Variants in PMM2 observed in about 807,000 individuals in gnomAD.
The protein encoded by PMM2 is phosphomannomutase 2.
Under a neutral mutation model 33.2 loss-of-function variants are expected in PMM2, and 35 were observed. The observed-to-expected ratio is 1.06, with a 90% confidence interval of 0.81 to 1.40. PMM2 has a LOEUF of 1.40. Ranked by LOEUF, PMM2 falls within the 40% of genes most tolerant of loss-of-function variation. PMM2 has a pLI of 0.00. For missense variants in PMM2, 386 were observed against 306.0 expected (o/e 1.26, Z -1.95); for synonymous variants, 153 against 114.7 (o/e 1.33, Z -2.13).
chr16:8,830,144 C>T (rs1351857355), intron 7 of PMM2, among the ~76,000 whole-genome samples: 1 of 152,204 alleles, frequency 6.6e-6, no homozygotes, highest in African/African-American at 2.4e-5. Flanking sequence ...AGAGATGGTG[C>T]CAGTGTCAGC....
intron 7 of PMM2, among the ~76,000 whole-genome samples, chr16:8,842,991 G>A (rs1389846134): frequency 6.6e-6 from 1 of 152,130 alleles, no homozygotes; most frequent in Non-Finnish European, 1.5e-5. Context: ...TTGGGGAGAA[G>A]GGCGGCAATG....
chr16:8,842,738 G>T (rs964307851), intron 7 of PMM2, among the ~76,000 whole-genome samples: 2 of 152,152 alleles, frequency 1.3e-5, no homozygotes, highest in African/African-American at 4.8e-5. Flanking sequence ...TAAAATGGGG[G>T]GATTATAAGA....
In PMM2 at chr16:8,797,850, G is replaced by T. The variant is rs755263742; in HGVS notation, c.-33G>T. The T allele has an allele frequency of 2.4e-5, 39 of 1,606,482 alleles. No individual in the cohort carries two copies. The highest frequency in any genetic ancestry group is 3.2e-5 in the Non-Finnish European group (38 of 1,176,702). ...TCCGGGCCGAGTTCCTCGTGCCAAC[G>T]TGTCTTGTAAGGTGCGGCTAGAAAC... On this transcript the variant is annotated 5_prime_UTR_variant, in exon 1 of 8. Transcript: ENST00000268261.
intron 7 of PMM2, among the ~76,000 whole-genome samples, chr16:8,839,758 A>G (rs1313417128): frequency 6.6e-6 from 1 of 151,970 alleles, no homozygotes; most frequent in Non-Finnish European, 1.5e-5. Flanking sequence ...GTAAAGGAAC[A>G]TCGAGAAGGT....
chr16:8,826,212 C>T (rs181949389), intron 7 of PMM2, among the ~76,000 whole-genome samples: 3 of 152,322 alleles, frequency 2.0e-5, no homozygotes, highest in African/African-American at 7.2e-5. Flanking sequence ...CACAAACCTA[C>T]AATTTGCTTA....
chr16:8,831,862 T>C (rs1389040404), intron 7 of PMM2, among the ~76,000 whole-genome samples: 1 of 152,212 alleles, frequency 6.6e-6, no homozygotes, highest in Non-Finnish European at 1.5e-5. Flanking sequence ...CCCTGGCCTC[T>C]CTTTGGTGCC....
chr16:8,833,931 G>A (rs1352370268), intron 7 of PMM2, among the ~76,000 whole-genome samples: 2 of 151,818 alleles, frequency 1.3e-5, no homozygotes, highest in African/African-American at 4.9e-5. Flanking sequence ...TGATGGCTTG[G>A]AGAAACAGTG....
At chr16:8,834,350 G>A (rs1348252471) in intron 7 of PMM2, among the ~76,000 whole-genome samples, 1 of 152,070 alleles carries the variant, frequency 6.6e-6, no homozygotes, top group Admixed American at 6.6e-5. Context: ...ACTAGTAAAG[G>A]CTGGTCCGTT....
At chr16:8,834,248 G>A (rs984264164) in intron 7 of PMM2, among the ~76,000 whole-genome samples, 5 of 152,172 alleles carry the variant, frequency 3.3e-5, no homozygotes, top group African/African-American at 9.7e-5. Flanking sequence ...AAGACCTTTA[G>A]TCCATTCTAC....
chr16:8,801,085 G>C (rs1164608463), intron 1 of PMM2, among the ~76,000 whole-genome samples: 2 of 152,212 alleles, frequency 1.3e-5, no homozygotes, highest in Admixed American at 6.5e-5. Context: ...TGATGAGCTA[G>C]ATCTGTGTTG....
chr16:8,811,674 C>T lies in PMM2; in HGVS notation c.484C>T (p.Arg162Trp), dbSNP rs104894526. Residue 162 changes from arginine to tryptophan, a missense_variant, in exon 6 of 8, where the codon CGG becomes TGG. Coordinates refer to ENST00000268261, the MANE Select transcript of PMM2 (RefSeq NM_000303.3). The stretch of plus-strand genomic sequence containing the variant: ...AAGACAAAAGTTTGTAGCAGATCTA[C>T]GGAAAGAGTTTGCTGGAAAAGGCCT... ...NIRQKFVADL[R>W]KEFAGKGLTF... 36 of 1,613,056 alleles carry T rather than the reference C, an allele frequency of 2.2e-5. No individual in the cohort carries two copies. The highest frequency in any genetic ancestry group is 6.6e-5 in the South Asian group (6 of 91,074).
intron 7 of PMM2, among the ~76,000 whole-genome samples, chr16:8,843,537 C>T (rs574758059): frequency 1.9e-4 from 29 of 151,964 alleles, no homozygotes; most frequent in Non-Finnish European, 1.5e-4. Flanking sequence ...ATTTCTGGCA[C>T]GTGTAGCAAG....
chr16:8,842,815 A>G (rs1181340517), intron 7 of PMM2, among the ~76,000 whole-genome samples: 1 of 152,154 alleles, frequency 6.6e-6, no homozygotes, highest in African/African-American at 2.4e-5. Context: ...ATCCTTTTAA[A>G]GCGTGCTGTG....
intron 7 of PMM2, among the ~76,000 whole-genome samples, chr16:8,838,506 G>C (rs2060867450): frequency 1.3e-5 from 2 of 152,034 alleles, no homozygotes; most frequent in East Asian, 1.9e-4. Flanking sequence ...ATGTTTCTCA[G>C]GGCTGCTTCA....
Position 8,797,855 on chromosome 16 carries a change from T to G in PMM2, c.-28T>G, listed in dbSNP as rs749166324. ...GCCGAGTTCCTCGTGCCAACGTGTCTTGTAAGGTGCGGCTAGAAACTGGGG... is the reference window on the plus strand; with the variant it reads ...GCCGAGTTCCTCGTGCCAACGTGTCGTGTAAGGTGCGGCTAGAAACTGGGG... On this transcript the variant is annotated 5_prime_UTR_variant, in exon 1 of 8. Coordinates refer to ENST00000268261, the MANE Select transcript of PMM2 (RefSeq NM_000303.3). The G allele has an allele frequency of 3.7e-6, 6 of 1,608,492 alleles. No homozygotes were observed. In the South Asian group the frequency reaches 5.6e-5, roughly 15 times the overall value.
intron 7 of PMM2, among the ~76,000 whole-genome samples, chr16:8,827,781 T>C (rs1170703151): frequency 1.5e-5 from 1 of 68,488 alleles, no homozygotes; most frequent in Admixed American, 1.6e-4. Flanking sequence ...TATATATATA[T>C]ATTTATATAT....
intron 5 of PMM2, 90 bp downstream of exon 5, chr16:8,811,268 C>T (rs751947372): frequency 3.9e-5 from 36 of 920,256 alleles, no homozygotes; most frequent in Middle Eastern, 2.5e-4. Flanking sequence ...GTAATCCCAA[C>T]ACTTTGGGAG....
chr16:8,811,705 T>G lies in PMM2; in HGVS notation c.515T>G (p.Phe172Cys). Residue 172 changes from phenylalanine to cysteine, a missense_variant, in exon 6 of 8, where the codon TTT (phenylalanine) becomes TGT (cysteine). Coordinates refer to ENST00000268261, the MANE Select transcript of PMM2 (RefSeq NM_000303.3). ...GAGTTTGCTGGAAAAGGCCTCACGT[T>G]TTCCATAGGTATTGTATATATTGCC... ...RKEFAGKGLT[F>C]SIGGQISFDV... 6.2e-7 allele frequency: 1 copy of G among 1,607,572 alleles called. No homozygotes were observed. The highest frequency in any genetic ancestry group is 8.5e-7 in the Non-Finnish European group (1 of 1,173,980).
Position 8,811,852 on chromosome 16 carries a change from A to G in PMM2, c.523+139A>G, listed in dbSNP as rs7194925. ...TAAATGAGCAGTCCAGTCTATAGAC[A>G]AAAACCAACCACTCTCTTTTCTGCA... On this transcript the variant is annotated intron_variant, in intron 6 of 7. Coordinates refer to ENST00000268261, the MANE Select transcript of PMM2 (RefSeq NM_000303.3). 3.5e-3 allele frequency: 2,433 copies of G among 703,022 alleles called. 41 individuals are homozygous for G. The African/African-American group carries it at 0.038, about 11-fold the overall frequency. 43.5% of individuals were successfully genotyped at this position (703,022 alleles called of 1,614,324 possible). A position where few individuals can be genotyped will look rare whatever the true frequency, so the allele number is the denominator to read the frequency against.
Sources: gnomAD v4.1 joint callset for allele counts (sites outside exome capture counted in the v4.1 genomes callset) on GRCh38, gnomAD v4.1.1 for gene constraint, MANE v1.5 for transcripts, NCBI Gene and HGNC (gene_info 2026-07-23, HGNC 2026-07-21) for gene names.